The following CSMD2 variants were observed in gnomAD, a reference collection of about 807,000 sequenced individuals.
CSMD2 encodes the protein CUB and Sushi multiple domains 2.
In CSMD2, 130 loss-of-function variants were observed where a neutral mutation model predicts 398.5. The ratio of observed to expected loss-of-function variants is 0.33; its 90% CI spans 0.28 to 0.38. The LOEUF is 0.38. Ranked by LOEUF, CSMD2 falls within the 10% of genes least tolerant of loss-of-function variation. The probability of loss-of-function intolerance (pLI) is 1.00; values close to 1 mark genes in which losing one functional copy is unlikely to be tolerated. For synonymous variants in CSMD2, 1,828 were observed against 1,908.5 expected (o/e 0.96, Z 1.10); for missense variants, 3,829 against 4,764.9 (o/e 0.80, Z 5.78).
chr1:33,643,707 T>C (rs764974372), intron 29 of CSMD2, among the ~76,000 whole-genome samples: 4 of 152,078 alleles, frequency 2.6e-5, no homozygotes, highest in Non-Finnish European at 4.4e-5. Flanking sequence ...GAAAATATCC[T>C]CAAAGCCATG....
intron 3 of CSMD2, among the ~76,000 whole-genome samples, chr1:33,957,646 T>C (rs1645212458): frequency 6.6e-6 from 1 of 152,076 alleles, no homozygotes; most frequent in African/African-American, 2.4e-5. Context: ...GACACTAAGA[T>C]TGCTGACATG....
chr1:33,651,131 G>A (rs1280383324), intron 28 of CSMD2, among the ~76,000 whole-genome samples: 8 of 152,216 alleles, frequency 5.3e-5, no homozygotes, highest in South Asian at 2.1e-4. Context: ...GGGAGAGATC[G>A]GCATGGGAGG....
chr1:33,935,768 G>A lies in CSMD2; in HGVS notation c.704C>T (p.Ser235Phe). Residue 235 changes from serine (S) to phenylalanine (F), a missense_variant, in exon 4 of 71, where the codon TCC becomes TTC. Physicochemically the swap from Ser to Phe is radical, Grantham distance 155. Around this residue, in one of 5 missense-constraint regions of CSMD2, gnomAD observed 2,001 missense variants for 2,567.1 expected, o/e 0.78. Transcript: ENST00000373381. ...NSATWDFPLP[S>F]CRADDACGGT... ...CCTTGCTGGCCACCTACCTCTGCAGGAAGGCAGGGGGAAGTCCCACGTGGC... is the reference window on the plus strand; with the variant it reads ...CCTTGCTGGCCACCTACCTCTGCAGAAAGGCAGGGGGAAGTCCCACGTGGC... The A allele has an allele frequency of 5.6e-6, 9 of 1,604,236 alleles. No homozygotes were observed. The highest frequency in any genetic ancestry group is 1.1e-5 in the South Asian group (1 of 88,740).
At chr1:33,988,321 G>A (rs1258253834) in intron 3 of CSMD2, among the ~76,000 whole-genome samples, 4 of 152,192 alleles carry the variant, frequency 2.6e-5, no homozygotes, top group African/African-American at 4.8e-5. Flanking sequence ...GAGGGCCCTT[G>A]TCACAACTGT....
At chr1:33,550,494 C>T (rs1370986493) in intron 55 of CSMD2, 144 bp from the exon 56 acceptor site, 2 of 781,518 alleles carry the variant, frequency 2.6e-6, no homozygotes, top group Non-Finnish European at 4.0e-6. Context: ...TGCTGGCATG[C>T]CCACCTGGCG....
intron 1 of CSMD2, among the ~76,000 whole-genome samples, chr1:34,162,161 T>G (rs1192286845): frequency 3.3e-4 from 28 of 84,336 alleles, no homozygotes; most frequent in Admixed American, 5.0e-4. Flanking sequence ...AACAAAAGAG[T>G]GAAACTCCCT....
intron 3 of CSMD2, among the ~76,000 whole-genome samples, chr1:33,966,661 C>T (rs747880033): frequency 8.5e-5 from 13 of 152,058 alleles, no homozygotes; most frequent in Non-Finnish European, 1.0e-4. Flanking sequence ...ATAGAAGCTG[C>T]GGGTGAATTA....
intron 3 of CSMD2, among the ~76,000 whole-genome samples, chr1:33,951,144 T>C (rs1644995878): frequency 6.6e-6 from 1 of 152,244 alleles, no homozygotes; most frequent in Admixed American, 6.5e-5. Flanking sequence ...GCCAGTCTGT[T>C]AGCACACATC....
intron 3 of CSMD2, among the ~76,000 whole-genome samples, chr1:34,027,633 A>G (rs1570864970): frequency 1.3e-5 from 2 of 152,238 alleles, no homozygotes; most frequent in Admixed American, 6.5e-5. Flanking sequence ...TGCAAACCAC[A>G]ATGGCTTCCT....
chr1:33,985,655 A>G (rs944845173), intron 3 of CSMD2, among the ~76,000 whole-genome samples: 1 of 152,204 alleles, frequency 6.6e-6, no homozygotes, highest in African/African-American at 2.4e-5. Flanking sequence ...GGGACACTCA[A>G]TACTTTAAGG....
intron 9 of CSMD2, among the ~76,000 whole-genome samples, chr1:33,817,674 C>G (rs905631463): frequency 6.6e-6 from 1 of 152,246 alleles, no homozygotes; most frequent in African/African-American, 2.4e-5. Flanking sequence ...GTCTCACAGA[C>G]GTACTGGCAT....
chr1:34,126,388 G>A (rs1662741959), intron 1 of CSMD2, among the ~76,000 whole-genome samples: 1 of 152,128 alleles, frequency 6.6e-6, no homozygotes, highest in South Asian at 2.1e-4. Flanking sequence ...CCCTGTAATG[G>A]GGCTAGGCAG....
intron 5 of CSMD2, among the ~76,000 whole-genome samples, chr1:33,900,622 C>G (rs1310235581): frequency 6.6e-6 from 1 of 151,996 alleles, no homozygotes; most frequent in African/African-American, 2.4e-5. Context: ...ACTAAAAATA[C>G]AAATAAATTA....
chr1:33,820,582 A>AAAAC (rs1557947727), intron 7 of CSMD2, 26 bp from the exon 8 acceptor site: 2 of 1,160,084 alleles, frequency 1.7e-6, no homozygotes, highest in East Asian at 2.4e-5. Flanking sequence ...AAAAAAAAAA[A>AAAAC]AAAAAACAGC....
intron 3 of CSMD2, among the ~76,000 whole-genome samples, chr1:33,968,071 T>G (rs1645624282): frequency 6.6e-6 from 1 of 152,202 alleles, no homozygotes; most frequent in Admixed American, 6.5e-5. Flanking sequence ...ATGAGCCTAG[T>G]GGTCTCCTCT....
At chr1:33,931,997 G>A (rs1644327882) in intron 4 of CSMD2, among the ~76,000 whole-genome samples, 1 of 152,186 alleles carries the variant, frequency 6.6e-6, no homozygotes, top group African/African-American at 2.4e-5. Flanking sequence ...GATGTGGAGG[G>A]GGTAGGCTGG....
At chr1:33,917,186 C>T (rs531418147) in intron 5 of CSMD2, among the ~76,000 whole-genome samples, 21 of 152,318 alleles carry the variant, frequency 1.4e-4, no homozygotes, top group African/African-American at 2.4e-4. Flanking sequence ...TAGCCAACGC[C>T]GTGACTCCTG....
Position 33,810,730 on chromosome 1 carries a change from C to T in CSMD2, c.1446+13G>A. ...TGCCCACAGAACACCACCCCGCTCC[C>T]CAAGAGGCTTACCTTGGAGGGGTTG... On this transcript the variant is annotated intron_variant, in intron 10 of 70. Transcript: ENST00000373381. 6.2e-7 allele frequency: 1 copy of T among 1,612,302 alleles called. No homozygotes were observed. Among genetic ancestry groups the T allele is most frequent in the Non-Finnish European group, 8.5e-7 (1 of 1,179,304 alleles).
At chr1:33,546,925 T>C (rs12132063) in intron 56 of CSMD2, among the ~76,000 whole-genome samples, 25,086 of 152,116 alleles carry the variant, frequency 0.16, 2,590 homozygotes, top group East Asian at 0.35. Context: ...ATAATCATTG[T>C]ACATATTTAT....
Sources: allele counts gnomAD v4.1 joint callset (sites outside exome capture counted in the v4.1 genomes callset), GRCh38; gene constraint gnomAD v4.1.1; regional missense constraint gnomAD v4.1.1; transcripts MANE v1.5; gene names NCBI Gene and HGNC (gene_info 2026-07-23, HGNC 2026-07-21).